SIPA1L1: variants seen among roughly 807,000 people sequenced by gnomAD.
The protein encoded by SIPA1L1 is signal induced proliferation associated 1 like 1, also known as signal-induced proliferation-associated 1-like protein 1.
A neutral mutation model predicts 162.7 loss-of-function variants in SIPA1L1; 26 were observed. That is an observed-to-expected ratio of 0.16 (90% CI 0.12 to 0.22). The LOEUF is 0.22. Among genes scored for constraint, SIPA1L1 ranks in the 10% least tolerant of loss-of-function variants. The pLI is 1.00. For missense variants in SIPA1L1, 1,874 were observed against 2,241.0 expected (o/e 0.84, Z 3.31); for synonymous variants, 829 against 837.4 (o/e 0.99, Z 0.17).
chr14:71,449,671 T>C (rs2045669450), intron 2 of SIPA1L1, among the ~76,000 whole-genome samples: 1 of 152,204 alleles, frequency 6.6e-6, no homozygotes, highest in African/African-American at 2.4e-5. Flanking sequence ...AACACAGTTA[T>C]ATGTACGTAA....
chr14:71,585,765 T>C (rs937939950), intron 4 of SIPA1L1, among the ~76,000 whole-genome samples: 8 of 152,218 alleles, frequency 5.3e-5, no homozygotes, highest in Non-Finnish European at 1.2e-4. Flanking sequence ...TAAAATCTAC[T>C]TTAGAAGTAT....
At chr14:71,456,811 T>C (rs112322848) in intron 2 of SIPA1L1, among the ~76,000 whole-genome samples, 3,105 of 152,332 alleles carry the variant, frequency 0.02, 54 homozygotes, top group Non-Finnish European at 0.032. Context: ...AAACAACCTT[T>C]TGTGTTTCTT....
At chr14:71,555,377 G>A (rs2056263180) in intron 4 of SIPA1L1, among the ~76,000 whole-genome samples, 1 of 152,190 alleles carries the variant, frequency 6.6e-6, no homozygotes, top group South Asian at 2.1e-4. Flanking sequence ...CTTCTTCTGA[G>A]TTTCTTCACC....
intron 4 of SIPA1L1, among the ~76,000 whole-genome samples, 178 bp from the exon 5 acceptor site, chr14:71,587,392 CA>C (rs2034753358): frequency 6.6e-6 from 1 of 150,964 alleles, no homozygotes; most frequent in South Asian, 2.1e-4. Context: ...TGGATTTTAT[CA>C]AATGGTTTTT....
At chr14:71,562,469 A>T (rs998485794) in intron 4 of SIPA1L1, among the ~76,000 whole-genome samples, 1 of 152,184 alleles carries the variant, frequency 6.6e-6, no homozygotes, top group South Asian at 2.1e-4. Context: ...ATTTACTAAT[A>T]TTGCCTAAAA....
At chr14:71,567,885 C>T (rs746123906) in intron 4 of SIPA1L1, among the ~76,000 whole-genome samples, 1 of 152,156 alleles carries the variant, frequency 6.6e-6, no homozygotes, top group Non-Finnish European at 1.5e-5. Context: ...GGGTTCCTCC[C>T]CTTTTTAGAC....
chr14:71,498,457 T>C (rs1486048290), intron 2 of SIPA1L1, among the ~76,000 whole-genome samples: 3 of 152,130 alleles, frequency 2.0e-5, no homozygotes, highest in African/African-American at 7.2e-5. Flanking sequence ...TGAAAAAAAA[T>C]AGTGAAGTGC....
chr14:71,394,228 C>T (rs916584870), intron 2 of SIPA1L1, among the ~76,000 whole-genome samples: 1 of 152,290 alleles, frequency 6.6e-6, no homozygotes, highest in South Asian at 2.1e-4. Flanking sequence ...TAGCTTCTGG[C>T]TGATTCTAAT....
At chr14:71,724,262 AAAGT>A (rs1221584361) in intron 18 of SIPA1L1, among the ~76,000 whole-genome samples, 1 of 152,214 alleles carries the variant, frequency 6.6e-6, no homozygotes, top group Non-Finnish European at 1.5e-5. Flanking sequence ...GGAATATTAC[AAAGT>A]GAGTGAGTAC....
At chr14:71,366,440 A>G (rs2038302127) in intron 2 of SIPA1L1, among the ~76,000 whole-genome samples, 2 of 151,826 alleles carry the variant, frequency 1.3e-5, no homozygotes, top group African/African-American at 2.4e-5. Context: ...TGCATTTATT[A>G]TTTTATTTTA....
At position 71,377,678 on chromosome 14, in the gene SIPA1L1, G is replaced by A. The variant is rs1385119645; in HGVS notation, c.-465+56497G>A. ...TGAGATCACGCCACTGCACTCCAGC[G>A]TGGGCAACATTGAGCACTGAGTGAG... On this transcript the variant is annotated intron_variant, in intron 2 of 23. Transcript: ENST00000381232. This position sits in a 1 kb window ranked among gnomAD's most constrained non-coding sequence, Gnocchi z 4.8. Among the ~76,000 whole-genome samples, 3 of 152,208 alleles carry A rather than the reference G, an allele frequency of 2.0e-5. No individual in the cohort carries two copies. Among genetic ancestry groups the A allele is most frequent in the South Asian group, 2.1e-4 (1 of 4,836 alleles).
intron 2 of SIPA1L1, among the ~76,000 whole-genome samples, chr14:71,475,440 A>T (rs890540989): frequency 1.3e-5 from 2 of 151,946 alleles, no homozygotes; most frequent in African/African-American, 4.8e-5. Context: ...CTTTGTGATG[A>T]TGGTGGTGGG....
intron 7 of SIPA1L1, 172 bp from the exon 8 acceptor site, chr14:71,650,163 A>G: frequency 7.1e-6 from 5 of 702,836 alleles, no homozygotes; most frequent in Non-Finnish European, 1.0e-5. Context: ...TGAAGTTCGT[A>G]GATACTTGCT....
chr14:71,425,873 A>G (rs572478493), intron 2 of SIPA1L1, among the ~76,000 whole-genome samples: 1 of 152,096 alleles, frequency 6.6e-6, no homozygotes, highest in African/African-American at 2.4e-5. Context: ...AGATATTTTG[A>G]TAGTTAGGTG....
At chr14:71,422,231 C>T (rs2043238226) in intron 2 of SIPA1L1, among the ~76,000 whole-genome samples, 2 of 152,070 alleles carry the variant, frequency 1.3e-5, no homozygotes, top group Admixed American at 1.3e-4. Flanking sequence ...TATAATTATC[C>T]CTATGGTAGT....
At chr14:71,575,902 A>G (rs1443253255) in intron 4 of SIPA1L1, among the ~76,000 whole-genome samples, 1 of 152,200 alleles carries the variant, frequency 6.6e-6, no homozygotes, top group Non-Finnish European at 1.5e-5. Flanking sequence ...TGAAACCTTT[A>G]TTAAATTTTG....
intron 2 of SIPA1L1, among the ~76,000 whole-genome samples, chr14:71,493,871 T>G (rs2049499125): frequency 6.6e-6 from 1 of 152,252 alleles, no homozygotes; most frequent in Non-Finnish European, 1.5e-5. Flanking sequence ...ATTTTGTTTG[T>G]TTTTTAATAT....
intron 14 of SIPA1L1, among the ~76,000 whole-genome samples, chr14:71,700,965 A>G (rs760562924): frequency 1.7e-5 from 2 of 117,806 alleles, no homozygotes; most frequent in Admixed American, 2.4e-4. Context: ...ACTGCACTCC[A>G]GCCTAGGGGA....
chr14:71,590,041 AAAAATATATATATAT>A (rs1316373755), intron 5 of SIPA1L1, among the ~76,000 whole-genome samples: 10 of 69,206 alleles, frequency 1.4e-4, no homozygotes, highest in South Asian at 1.4e-3. Flanking sequence ...AAAAAAAAAA[AAAAATATATATATAT>A]ATATATATAT....
Sources: allele counts gnomAD v4.1 joint callset (sites outside exome capture counted in the v4.1 genomes callset), GRCh38; gene constraint gnomAD v4.1.1; non-coding constraint Gnocchi (gnomAD v3.1); transcripts MANE v1.5; gene names NCBI Gene and HGNC (gene_info 2026-07-23, HGNC 2026-07-21).